NEMF: variants seen among roughly 807,000 people sequenced by gnomAD.
NEMF encodes the protein ribosome quality control complex subunit NEMF.
In NEMF, 89 loss-of-function variants were observed where a neutral mutation model predicts 162.2. The observed-to-expected ratio is 0.55, with a 90% CI of 0.46 to 0.65. The LOEUF is 0.65. NEMF is among the 30% of genes least tolerant of loss of function. The pLI is 0.00. For missense variants in NEMF, 1,133 were observed against 1,261.9 expected (o/e 0.90, Z 1.55); for synonymous variants, 421 against 404.5 (o/e 1.04, Z -0.49).
Position 49,811,723 on chromosome 14 carries a change from T to C in NEMF, c.1744+2265A>G, listed in dbSNP as rs907565937. Among the ~76,000 whole-genome samples the C allele has an allele frequency of 2.6e-5, 4 of 152,200 alleles. No homozygotes were observed. In the South Asian group the frequency reaches 8.3e-4, roughly 31 times the overall value. On this transcript the variant is annotated intron_variant, in intron 18 of 32. Transcript: ENST00000298310. ...TAATCCATGTGTGTTTTTTGTCCTT[T>C]ATTAGTAGATTATATTACATTAATT...
chr14:49,828,022 A>C (rs1892448067), intron 15 of NEMF, among the ~76,000 whole-genome samples: 1 of 152,220 alleles, frequency 6.6e-6, no homozygotes, highest in Admixed American at 6.5e-5. Flanking sequence ...GATGGATTGC[A>C]TGATTTATGG....
Position 49,785,225 on chromosome 14 carries a change from G to A in NEMF, c.3024C>T (p.Asn1008=). The A allele has an allele frequency of 6.2e-7, 1 of 1,612,642 alleles. No individual in the cohort carries two copies. Among genetic ancestry groups the A allele is most frequent in the Non-Finnish European group, 8.5e-7 (1 of 1,178,716 alleles). Residue 1008 remains asparagine, a synonymous_variant, in exon 30 of 33, where the codon AAC becomes AAT. Coordinates refer to ENST00000298310, the MANE Select transcript of NEMF (RefSeq NM_004713.6). Reference sequence around the variant, plus strand: ...GTCAACTAATGGTAACTTACTTGTAGTTTGTCATGGTGGTGTAAGGGGCAC... The same window carrying A: ...GTCAACTAATGGTAACTTACTTGTAATTTGTCATGGTGGTGTAAGGGGCAC... ...PICAPYTTMT[N]YKYKVKLTPG...
intron 18 of NEMF, among the ~76,000 whole-genome samples, 195 bp from the exon 19 acceptor site, chr14:49,806,328 C>T (rs1170973205): frequency 1.5e-5 from 2 of 135,292 alleles, no homozygotes; most frequent in African/African-American, 5.6e-5. Context: ...ATGGCGCAAT[C>T]TCAGCTCACT....
intron 16 of NEMF, among the ~76,000 whole-genome samples, chr14:49,822,975 C>T (rs531279624): frequency 5.4e-4 from 79 of 146,066 alleles, no homozygotes; most frequent in African/African-American, 1.9e-3. Context: ...CTTGCTCTGT[C>T]ACCCAGGCTG....
chr14:49,832,292 C>A lies in NEMF; in HGVS notation c.736-15G>T. The A allele has an allele frequency of 6.9e-7, 1 of 1,459,678 alleles. No individual in the cohort carries two copies. 90.4% of individuals were successfully genotyped at this position (1,459,678 alleles called of 1,614,324 possible). ...ATGATATATCCCTACAAAAATGCAA[C>A]ATTAAAATCATTCCTATTCATAATT... is the stretch of plus-strand genomic sequence containing the variant. On this transcript the variant is annotated splice_polypyrimidine_tract_variant and intron_variant, in intron 8 of 32. Transcript: ENST00000298310.
intron 18 of NEMF, among the ~76,000 whole-genome samples, chr14:49,813,241 A>C (rs61982266): frequency 0.16 from 24,802 of 152,196 alleles, 2,337 homozygotes; most frequent in Non-Finnish European, 0.21. Context: ...GGAGTTTGCT[A>C]GAAACGTTTT....
At chr14:49,794,391 GA>G (rs1253105532) in intron 26 of NEMF, among the ~76,000 whole-genome samples, 9 of 151,954 alleles carry the variant, frequency 5.9e-5, no homozygotes, top group Non-Finnish European at 1.2e-4. Context: ...CAGCTCACTG[GA>G]AAAAAGCATA....
intron 15 of NEMF, among the ~76,000 whole-genome samples, chr14:49,827,637 A>T (rs1594780591): frequency 1.3e-5 from 2 of 149,656 alleles, no homozygotes; most frequent in Admixed American, 1.3e-4. Flanking sequence ...ACATGGTGAA[A>T]CCCTGTCTCT....
intron 6 of NEMF, among the ~76,000 whole-genome samples, chr14:49,836,355 T>C (rs1244431558): frequency 3.3e-5 from 5 of 152,092 alleles, no homozygotes; most frequent in Non-Finnish European, 7.4e-5. Flanking sequence ...ACTCTAAATT[T>C]TATAAGGAAA....
At chr14:49,821,427 C>T (rs1594771644) in intron 16 of NEMF, among the ~76,000 whole-genome samples, 1 of 9,334 alleles carries the variant, frequency 1.1e-4, no homozygotes, top group African/African-American at 1.2e-4. Context: ...CTCAGCCCCC[C>T]GCCCGGCCAG....
At chr14:49,791,401 G>GT (rs1287030840) in intron 26 of NEMF, among the ~76,000 whole-genome samples, 1 of 151,974 alleles carries the variant, frequency 6.6e-6, no homozygotes, top group Non-Finnish European at 1.5e-5. Flanking sequence ...TCCAAGTAAA[G>GT]TATCTGTATC....
chr14:49,791,131 C>T (rs1278220393), intron 26 of NEMF, among the ~76,000 whole-genome samples: 3 of 150,678 alleles, frequency 2.0e-5, no homozygotes, highest in South Asian at 2.1e-4. Flanking sequence ...GTCAGGAGAT[C>T]GAGACCATCC....
At chr14:49,818,091 T>TC (rs1488043124) in intron 16 of NEMF, among the ~76,000 whole-genome samples, 1 of 150,672 alleles carries the variant, frequency 6.6e-6, no homozygotes, top group East Asian at 1.9e-4. Context: ...AGACTTTTTT[T>TC]TTTTTTTTTT....
At chr14:49,845,754 G>C (rs3100891) in intron 4 of NEMF, among the ~76,000 whole-genome samples, 151,809 of 152,374 alleles carry the variant, frequency 1, 75,625 homozygotes, top group Middle Eastern at 1. Context: ...CCATTACAAT[G>C]TTACAGGACC....
intron 4 of NEMF, among the ~76,000 whole-genome samples, chr14:49,844,313 A>G (rs1433401558): frequency 1.3e-5 from 2 of 152,136 alleles, no homozygotes; most frequent in South Asian, 4.1e-4. Context: ...AATAGGGTTC[A>G]CGCTCCTATA....
chr14:49,803,568 C>T (rs1156919063), intron 19 of NEMF, among the ~76,000 whole-genome samples: 4 of 151,550 alleles, frequency 2.6e-5, no homozygotes, highest in Admixed American at 6.6e-5. Context: ...CTCTGTTGCC[C>T]AAGCTGAAGT....
intron 16 of NEMF, among the ~76,000 whole-genome samples, 180 bp from the exon 17 acceptor site, chr14:49,815,037 G>A (rs1335454626): frequency 6.6e-6 from 1 of 152,002 alleles, no homozygotes; most frequent in Non-Finnish European, 1.5e-5. Context: ...ATATTCTTTA[G>A]ACAGTCTTAG....
At chr14:49,826,292 G>A (rs531000858) in intron 15 of NEMF, among the ~76,000 whole-genome samples, 1 of 152,132 alleles carries the variant, frequency 6.6e-6, no homozygotes, top group Non-Finnish European at 1.5e-5. Flanking sequence ...ATATAAGAGT[G>A]AACAAGATGG....
chr14:49,786,337 T>C (rs990268662), intron 29 of NEMF: 3 of 180,402 alleles, frequency 1.7e-5, no homozygotes, highest in South Asian at 1.3e-4. Flanking sequence ...GCCTGTGAGA[T>C]TGCCCCCATT....
Sources: gnomAD v4.1 joint callset for allele counts (sites outside exome capture counted in the v4.1 genomes callset) on GRCh38, gnomAD v4.1.1 for gene constraint, MANE v1.5 for transcripts, NCBI Gene and HGNC (gene_info 2026-07-23, HGNC 2026-07-21) for gene names.